FOLH1: variants seen among roughly 807,000 people sequenced by gnomAD.
FOLH1 encodes the protein glutamate carboxypeptidase 2.
A neutral mutation model predicts 93.9 loss-of-function variants in FOLH1; 54 were observed. The ratio of observed to expected loss-of-function variants is 0.57; its 90% confidence interval spans 0.46 to 0.72. The LOEUF (loss-of-function observed/expected upper bound fraction) is 0.72. Ranked by LOEUF, FOLH1 falls within the 30% of genes least tolerant of loss-of-function variation. FOLH1 has a pLI of 0.00. For missense variants in FOLH1, 571 were observed against 892.5 expected (o/e 0.64, Z 4.59); for synonymous variants, 249 against 303.6 (o/e 0.82, Z 1.87).
chr11:49,185,474 G>T, intron 6 of FOLH1, 195 bp downstream of exon 6: 1 of 659,208 alleles, frequency 1.5e-6, no homozygotes. Context: ...GAATTTGAAA[G>T]CCCACCAGGC....
intron 4 of FOLH1, among the ~76,000 whole-genome samples, chr11:49,190,059 C>T (rs2851532): frequency 9.2e-5 from 14 of 152,184 alleles, no homozygotes; most frequent in Non-Finnish European, 1.5e-4. Context: ...GGAGCACACT[C>T]ATTCTATTTT....
chr11:49,201,255 G>GATATAT (rs35326986), intron 2 of FOLH1, among the ~76,000 whole-genome samples: 5,046 of 139,676 alleles, frequency 0.036, 133 homozygotes, highest in African/African-American at 0.065. Context: ...AGCATGAAAA[G>GATATAT]ATATATATAT....
intron 6 of FOLH1, 56 bp from the exon 7 acceptor site, chr11:49,183,298 C>G: frequency 7.7e-7 from 1 of 1,304,190 alleles, no homozygotes; most frequent in Non-Finnish European, 1.1e-6. Context: ...TCAAACGGTT[C>G]TCTATAAATC....
chr11:49,208,095 C>T, intron 1 of FOLH1, 197 bp downstream of exon 1: 1 of 628,028 alleles, frequency 1.6e-6, no homozygotes, highest in Non-Finnish European at 2.9e-6. Flanking sequence ...AGCAGCTTGT[C>T]GAGAACTCAG....
intron 2 of FOLH1, among the ~76,000 whole-genome samples, chr11:49,205,730 G>GC (rs1863842891): frequency 6.6e-6 from 1 of 152,108 alleles, no homozygotes; most frequent in African/African-American, 2.4e-5. Flanking sequence ...AAATTTCAGT[G>GC]CCCATAAGGA....
chr11:49,200,585 T>G (rs1021651181), intron 2 of FOLH1, 144 bp from the exon 3 acceptor site: 6 of 856,864 alleles, frequency 7.0e-6, no homozygotes, highest in Non-Finnish European at 1.0e-5. Flanking sequence ...TTGCATGAAA[T>G]AGATTTTCAA....
chr11:49,148,526 T>G (rs1346445441), intron 18 of FOLH1, 113 bp downstream of exon 18: 13 of 776,372 alleles, frequency 1.7e-5, no homozygotes, highest in Non-Finnish European at 2.6e-5. Context: ...ATTTTGAAAT[T>G]TTCTATTTGC....
At position 49,192,853 on chromosome 11, in the gene FOLH1, A is replaced by G. The variant is rs534437382; in HGVS notation, c.453T>C (p.Tyr151=). The change falls in exon 4 of 19, where the codon TAT becomes TAC. Residue 151 remains tyrosine (Y), a synonymous_variant. Coordinates refer to ENST00000256999, the MANE Select transcript of FOLH1 (RefSeq NM_004476.3). ...GTGGTACAATATCCGAAACATTTTC[A>G]TATCCTGGAGGAGGTGGTTCAAATA... is the stretch of plus-strand genomic sequence containing the variant. ...TSLFEPPPPG[Y]ENVSDIVPPF... is the part of the protein sequence containing the mutation. 81 of 1,606,460 alleles carry G rather than the reference A, an allele frequency of 5.0e-5. No individual in the cohort carries two copies. The East Asian group carries it at 1.6e-3, about 31-fold the overall frequency.
intron 4 of FOLH1, among the ~76,000 whole-genome samples, chr11:49,190,460 C>G (rs1439714596): frequency 6.6e-6 from 1 of 152,158 alleles, no homozygotes; most frequent in Admixed American, 6.5e-5. Context: ...CACTCTTAGC[C>G]CGGAATTTTC....
Position 49,146,636 on chromosome 11 carries a change from A to G in FOLH1, c.*120T>C. On this transcript the variant is annotated 3_prime_UTR_variant, in exon 19 of 19. Transcript: ENST00000256999. ...CACATATATAAACACTCACATAACT[A>G]TATATAATATTCAACTTTATTTCAA... 1 of 763,226 alleles carries G rather than the reference A, an allele frequency of 1.3e-6. No homozygotes were observed. The highest frequency in any genetic ancestry group is 2.1e-6 in the Non-Finnish European group (1 of 486,980). The allele number at this position is 763,226 out of a possible 1,614,324, so 47.3% of individuals were successfully genotyped here.
chr11:49,154,384 G>A lies in FOLH1; in HGVS notation c.1732C>T (p.Gln578Ter), dbSNP rs755001634. The A allele has an allele frequency of 2.5e-6, 4 of 1,613,146 alleles. No homozygotes were observed. Among genetic ancestry groups the A allele is most frequent in the Non-Finnish European group, 3.4e-6 (4 of 1,179,518 alleles). ...TCAAACACCATCCCTCCTCGAACCT[G>A]GGCCACAGTGAGGTGATATTTAAAC... Reference protein sequence around the residue: ...PMFKYHLTVAQVRGGMVFELA... With the variant: ...PMFKYHLTVA Residue 578 changes from glutamine (Q) to a stop codon, truncating the protein, a stop_gained, in exon 16 of 19, where the codon CAG becomes TAG. Transcript: ENST00000256999. LOFTEE classifies it high-confidence loss of function.
In FOLH1 at chr11:49,185,772, G is replaced by A. The variant is rs369820383; in HGVS notation, c.723C>T (p.Ser241=). ...CAGGAAGATTCCAACCATCTGGATA[G>A]GACTTCACCCCAGGAGCAAAGTAGT... The part of the protein sequence containing the change: ...PADYFAPGVK[S]YPDGWNLPGG... The change falls in exon 6 of 19, where the codon TCC becomes TCT. Residue 241 remains serine (S), a synonymous_variant. Coordinates refer to ENST00000256999, the MANE Select transcript of FOLH1 (RefSeq NM_004476.3). The A allele has an allele frequency of 4.3e-6, 7 of 1,610,568 alleles. No individual in the cohort carries two copies. Among genetic ancestry groups the A allele is most frequent in the Non-Finnish European group, 5.1e-6 (6 of 1,178,774 alleles).
intron 3 of FOLH1, among the ~76,000 whole-genome samples, chr11:49,196,593 C>CA (rs1269259784): frequency 6.7e-6 from 1 of 148,298 alleles, no homozygotes; most frequent in Admixed American, 6.7e-5. Flanking sequence ...ATTACAAGTT[C>CA]AAAAAATATA....
intron 13 of FOLH1, among the ~76,000 whole-genome samples, chr11:49,161,995 T>G (rs1857758059): frequency 6.6e-6 from 1 of 152,236 alleles, no homozygotes; most frequent in Admixed American, 6.5e-5. Context: ...AGAGGTCCAC[T>G]GTTAGGCTGA....
At chr11:49,153,106 T>A (rs61886482) in intron 17 of FOLH1, among the ~76,000 whole-genome samples, 5,202 of 152,272 alleles carry the variant, frequency 0.034, 126 homozygotes, top group Non-Finnish European at 0.052. Context: ...TATATCATGA[T>A]ACTATATTTA....
At chr11:49,147,324 G>T (rs886446984) in intron 18 of FOLH1, among the ~76,000 whole-genome samples, 7 of 152,040 alleles carry the variant, frequency 4.6e-5, no homozygotes, top group Admixed American at 6.6e-5. Flanking sequence ...GTAACTAAAT[G>T]ATTTGTCTCA....
intron 17 of FOLH1, among the ~76,000 whole-genome samples, chr11:49,149,167 G>A (rs549279493): frequency 3.9e-5 from 6 of 152,040 alleles, no homozygotes; most frequent in Non-Finnish European, 8.8e-5. Context: ...TGTAAATGAC[G>A]AGTCCTCTGT....
At chr11:49,158,234 T>C (rs1190233681) in intron 13 of FOLH1, among the ~76,000 whole-genome samples, 191 bp from the exon 14 acceptor site, 1 of 152,068 alleles carries the variant, frequency 6.6e-6, no homozygotes, top group Admixed American at 6.6e-5. Context: ...TATATATAGG[T>C]GAACTATATT....
chr11:49,170,024 A>C (rs947547668), intron 11 of FOLH1, among the ~76,000 whole-genome samples: 6 of 152,024 alleles, frequency 3.9e-5, no homozygotes, highest in African/African-American at 1.5e-4. Context: ...CTAAGTCTAC[A>C]GGAGCACCAT....
Sources: gnomAD v4.1 joint callset for allele counts (sites outside exome capture counted in the v4.1 genomes callset) on GRCh38, gnomAD v4.1.1 for gene constraint, MANE v1.5 for transcripts, NCBI Gene and HGNC (gene_info 2026-07-23, HGNC 2026-07-21) for gene names.